The following TYW1B variants were observed in gnomAD, a reference collection of about 807,000 sequenced individuals.
TYW1B encodes the protein S-adenosyl-L-methionine-dependent tRNA 4-demethylwyosine synthase TYW1B.
TYW1B carries 73 observed loss-of-function variants against 86.9 expected under a neutral mutation model. The observed-to-expected ratio is 0.84, with a 90% confidence interval of 0.70 to 1.02. TYW1B has a LOEUF of 1.02. TYW1B is among the 50% of genes least tolerant of loss of function. The pLI is 0.00. For synonymous variants in TYW1B, 248 were observed against 292.8 expected, an observed-to-expected ratio of 0.85 and a Z score of 1.56; for missense variants, 637 against 827.4, an observed-to-expected ratio of 0.77 and a Z score of 2.82.
chr7:72,669,739 C>T (rs1667484838), intron 11 of TYW1B, among the ~76,000 whole-genome samples: 1 of 151,752 alleles, frequency 6.6e-6, no homozygotes, highest in Admixed American at 6.6e-5. Context: ...CACTGCACTC[C>T]AGACTGGGTG....
intron 11 of TYW1B, among the ~76,000 whole-genome samples, chr7:72,674,887 A>C (rs1813699479): frequency 6.6e-6 from 1 of 150,824 alleles, no homozygotes; most frequent in Admixed American, 6.6e-5. Context: ...GTGAGCCACC[A>C]TGGCTGGCTT....
chr7:72,791,593 T>C (rs111393325), intron 6 of TYW1B, among the ~76,000 whole-genome samples: 133,452 of 145,874 alleles, frequency 0.91, 60,887 homozygotes, highest in African/African-American at 0.98. Flanking sequence ...CTGGCTAACA[T>C]GGTGAAACCT....
intron 8 of TYW1B, among the ~76,000 whole-genome samples, chr7:72,736,062 C>T (rs1487018801): frequency 6.6e-5 from 10 of 152,104 alleles, no homozygotes; most frequent in Non-Finnish European, 1.2e-4. Context: ...AGGGTACACT[C>T]GCCAGCACTT....
chr7:72,596,739 G>A (rs1456408550), intron 13 of TYW1B, among the ~76,000 whole-genome samples: 4 of 152,100 alleles, frequency 2.6e-5, no homozygotes, highest in African/African-American at 7.2e-5. Context: ...TCGTGGGTAT[G>A]GAGAATAGGC....
In TYW1B at chr7:72,680,706, A is replaced by G. The variant is rs561254328; in HGVS notation, c.1506+13981T>C. Among the ~76,000 whole-genome samples the G allele has an allele frequency of 1.6e-3, 243 of 152,314 alleles. 2 individuals carry two copies. The highest frequency in any genetic ancestry group is 1.2e-3 in the Non-Finnish European group (85 of 68,022). On this transcript the variant is annotated intron_variant, in intron 11 of 13. Coordinates refer to ENST00000620995, the MANE Select transcript of TYW1B (RefSeq NM_001145440.3). ...CCCTCTAGAGAACCCTCATTAATAC[A>G]ATATGGAATGATAAACACCAAACAT...
intron 11 of TYW1B, among the ~76,000 whole-genome samples, chr7:72,689,163 G>A (rs1427143526): frequency 6.6e-6 from 1 of 152,062 alleles, no homozygotes; most frequent in Non-Finnish European, 1.5e-5. Context: ...CTTTGGCACC[G>A]ATGATGAGAG....
chr7:72,812,380 T>C (rs1216044529), intron 3 of TYW1B, among the ~76,000 whole-genome samples: 1 of 152,124 alleles, frequency 6.6e-6, no homozygotes, highest in Non-Finnish European at 1.5e-5. Flanking sequence ...TCCAGAAGTG[T>C]AGATTTTAAA....
intron 13 of TYW1B, among the ~76,000 whole-genome samples, chr7:72,611,061 T>C (rs73372826): frequency 0.044 from 6,657 of 151,788 alleles, 473 homozygotes; most frequent in African/African-American, 0.15. Flanking sequence ...CAATGTGCCA[T>C]GTCTCCGTGC....
chr7:72,694,507 A>G (rs540647373), intron 11 of TYW1B, among the ~76,000 whole-genome samples, 180 bp downstream of exon 11: 71 of 152,360 alleles, frequency 4.7e-4, no homozygotes, highest in African/African-American at 1.7e-3. Flanking sequence ...AACAAATAGT[A>G]AATGTTCAAA....
At chr7:72,585,972 T>C (rs1811266155) in intron 13 of TYW1B, among the ~76,000 whole-genome samples, 1 of 152,082 alleles carries the variant, frequency 6.6e-6, no homozygotes, top group Non-Finnish European at 1.5e-5. Flanking sequence ...TGAGAAATTG[T>C]GAAACGAGGA....
In TYW1B at chr7:72,600,840, C is replaced by T. The variant is rs548073614; in HGVS notation, c.1785+15832G>A. ...CTGTGTCATGGCACTCCAGCCTGGGCGACAGAGAGAGACCTTGTCTCTTAA... is the reference window on the plus strand; with the variant it reads ...CTGTGTCATGGCACTCCAGCCTGGGTGACAGAGAGAGACCTTGTCTCTTAA... On this transcript the variant is annotated intron_variant, in intron 13 of 13. Transcript: ENST00000620995. Among the ~76,000 whole-genome samples the T allele has an allele frequency of 5.0e-3, 760 of 151,654 alleles. 3 individuals are homozygous for T. The highest frequency in any genetic ancestry group is 0.011 in the African/African-American group (439 of 41,338).
At chr7:72,739,844 A>G (rs1202695210) in intron 8 of TYW1B, among the ~76,000 whole-genome samples, 3 of 139,728 alleles carry the variant, frequency 2.1e-5, no homozygotes, top group African/African-American at 8.0e-5. Flanking sequence ...GCCTAGGAAG[A>G]GTCTAAACTT....
chr7:72,772,119 C>G (rs2844112), intron 7 of TYW1B, among the ~76,000 whole-genome samples: 103,970 of 150,862 alleles, frequency 0.69, 36,823 homozygotes, highest in Non-Finnish European at 0.77. Flanking sequence ...AAAGTGCTGG[C>G]ATTACAAGCG....
intron 11 of TYW1B, among the ~76,000 whole-genome samples, chr7:72,667,176 A>C (rs1340002369): frequency 6.6e-6 from 1 of 152,128 alleles, no homozygotes; most frequent in Non-Finnish European, 1.5e-5. Context: ...TCAGGATGGG[A>C]AAGTGGCCTC....
intron 6 of TYW1B, among the ~76,000 whole-genome samples, chr7:72,796,708 G>A (rs1788311475): frequency 6.7e-6 from 1 of 149,822 alleles, no homozygotes; most frequent in South Asian, 2.1e-4. Flanking sequence ...AGATGTCCCA[G>A]GGCTCATCTG....
intron 13 of TYW1B, among the ~76,000 whole-genome samples, chr7:72,606,011 C>A (rs3015868): frequency 6.6e-6 from 1 of 152,054 alleles, no homozygotes; most frequent in Admixed American, 6.6e-5. Flanking sequence ...CAGCTAAAAA[C>A]AGAGGATATT....
intron 11 of TYW1B, among the ~76,000 whole-genome samples, chr7:72,629,470 G>GA (rs1363143115): frequency 6.6e-6 from 1 of 152,192 alleles, no homozygotes; most frequent in Admixed American, 6.5e-5. Flanking sequence ...CTTGCTGGCA[G>GA]AAAAGGTACA....
chr7:72,805,455 T>C (rs1341455151), intron 5 of TYW1B, among the ~76,000 whole-genome samples: 3 of 150,836 alleles, frequency 2.0e-5, no homozygotes, highest in South Asian at 2.1e-4. Context: ...CTGCAAAAAA[T>C]AGACAAATTA....
chr7:72,802,168 C>T (rs1235452444), intron 6 of TYW1B, among the ~76,000 whole-genome samples: 2 of 152,022 alleles, frequency 1.3e-5, no homozygotes, highest in East Asian at 3.9e-4. Flanking sequence ...TGTCCTCAGT[C>T]CTTGTTCTCA....
Sources: allele counts gnomAD v4.1 joint callset (sites outside exome capture counted in the v4.1 genomes callset), GRCh38; gene constraint gnomAD v4.1.1; transcripts MANE v1.5; gene names NCBI Gene and HGNC (gene_info 2026-07-23, HGNC 2026-07-21).